SSBP3: variants seen among roughly 807,000 people sequenced by gnomAD.
SSBP3 encodes the protein single-stranded DNA-binding protein 3.
Under a neutral mutation model 69.6 loss-of-function variants are expected in SSBP3, and 5 were observed. That is an observed-to-expected ratio of 0.07 (90% CI 0.04 to 0.15). SSBP3 has a LOEUF of 0.15. Ranked by LOEUF, SSBP3 falls within the 10% of genes least tolerant of loss-of-function variation. The pLI is 1.00. For synonymous variants in SSBP3, 196 were observed against 193.4 expected, an observed-to-expected ratio of 1.01 and a Z score of -0.11; for missense variants, 312 against 534.0, an observed-to-expected ratio of 0.58 and a Z score of 4.10.
At chr1:54,287,822 A>G (rs1458589291) in intron 4 of SSBP3, among the ~76,000 whole-genome samples, 3 of 152,224 alleles carry the variant, frequency 2.0e-5, no homozygotes, top group Non-Finnish European at 4.4e-5. Flanking sequence ...TCCTGGTTTC[A>G]TATGCAGACC....
At chr1:54,228,875 G>T in intron 14 of SSBP3, 49 bp from the exon 15 acceptor site, 1 of 1,577,190 alleles carries the variant, frequency 6.3e-7, no homozygotes, top group African/African-American at 1.3e-5. Context: ...CTGGCCCTCT[G>T]CACCCCTCAC....
intron 4 of SSBP3, among the ~76,000 whole-genome samples, chr1:54,295,940 C>G (rs1370032970): frequency 6.6e-6 from 1 of 152,236 alleles, no homozygotes; most frequent in Non-Finnish European, 1.5e-5. Flanking sequence ...ATTTTTCTAC[C>G]TGGTCTTATT....
upstream of SSBP3, among the ~76,000 whole-genome samples, chr1:54,408,119 C>T (rs779058779): frequency 7.2e-5 from 11 of 152,286 alleles, no homozygotes; most frequent in South Asian, 1.9e-3. Flanking sequence ...TCTGGACTCA[C>T]TCTGCTCCCT....
chr1:54,327,563 T>C (rs1338980652), intron 4 of SSBP3, among the ~76,000 whole-genome samples: 1 of 152,182 alleles, frequency 6.6e-6, no homozygotes, highest in Non-Finnish European at 1.5e-5. Context: ...TGGATTTCTT[T>C]CTTTCTTTCC....
chr1:54,312,031 A>G (rs112418155), intron 4 of SSBP3, among the ~76,000 whole-genome samples: 80 of 152,294 alleles, frequency 5.3e-4, no homozygotes, highest in African/African-American at 1.9e-3. Flanking sequence ...AGCACATAGC[A>G]CCAGCTCTGA....
chr1:54,372,880 G>A (rs1647157463), intron 4 of SSBP3, among the ~76,000 whole-genome samples: 1 of 152,236 alleles, frequency 6.6e-6, no homozygotes, highest in Admixed American at 6.5e-5. Context: ...CAAGGGCAAA[G>A]CCTCCCTGAC....
At chr1:54,373,937 A>G (rs1300332930) in intron 4 of SSBP3, among the ~76,000 whole-genome samples, 1 of 152,154 alleles carries the variant, frequency 6.6e-6, no homozygotes, top group Non-Finnish European at 1.5e-5. Context: ...CTGGACCACC[A>G]GAGCTGCGGT....
chr1:54,399,727 G>A (rs375688924), intron 4 of SSBP3, among the ~76,000 whole-genome samples: 6 of 152,276 alleles, frequency 3.9e-5, no homozygotes, highest in African/African-American at 1.4e-4. Flanking sequence ...TAACTAGACT[G>A]TAGCCACAAG....
chr1:54,302,457 ATG>A (rs1645820306), intron 4 of SSBP3, among the ~76,000 whole-genome samples: 1 of 151,998 alleles, frequency 6.6e-6, no homozygotes, highest in Non-Finnish European at 1.5e-5. Flanking sequence ...GATTACAGGC[ATG>A]CACCACCACA....
At chr1:54,247,177 C>T (rs1270527448) in intron 9 of SSBP3, among the ~76,000 whole-genome samples, 1 of 152,262 alleles carries the variant, frequency 6.6e-6, no homozygotes, top group Non-Finnish European at 1.5e-5. Context: ...GCTGCTCCCT[C>T]CTGCCACATC....
intron 5 of SSBP3, among the ~76,000 whole-genome samples, chr1:54,259,620 GCCTAGGTAGGGTTT>G (rs1644983184): frequency 6.6e-6 from 1 of 152,262 alleles, no homozygotes; most frequent in African/African-American, 2.4e-5. Context: ...GAGAGGAGCT[GCCTAGGTAGGGTTT>G]CCCCCTTGGC....
intron 5 of SSBP3, among the ~76,000 whole-genome samples, chr1:54,268,061 C>T (rs893372139): frequency 6.6e-6 from 1 of 152,210 alleles, no homozygotes; most frequent in Non-Finnish European, 1.5e-5. Flanking sequence ...GGCACAGAAG[C>T]TAGGAATCCT....
chr1:54,231,009 C>T (rs1348150557), intron 14 of SSBP3, among the ~76,000 whole-genome samples: 1 of 152,180 alleles, frequency 6.6e-6, no homozygotes, highest in African/African-American at 2.4e-5. Flanking sequence ...CATACGTTTT[C>T]ATTTCTCTTG....
intron 14 of SSBP3, among the ~76,000 whole-genome samples, chr1:54,229,088 A>T (rs1183111006): frequency 6.6e-6 from 1 of 152,228 alleles, no homozygotes; most frequent in East Asian, 1.9e-4. Flanking sequence ...CTCCACACAG[A>T]GGCACCTCTG....
chr1:54,332,610 A>G (rs1173555412), intron 4 of SSBP3, among the ~76,000 whole-genome samples: 1 of 152,090 alleles, frequency 6.6e-6, no homozygotes, highest in Non-Finnish European at 1.5e-5. Context: ...AAGTCACTTC[A>G]CCTTCCTGTG....
intron 5 of SSBP3, among the ~76,000 whole-genome samples, chr1:54,260,970 G>A (rs1359816785): frequency 1.3e-5 from 2 of 152,212 alleles, no homozygotes; most frequent in Non-Finnish European, 2.9e-5. Context: ...GCAGTGAAGC[G>A]CTGACAGGCT....
At chr1:54,244,478 C>T (rs1257904199) in intron 9 of SSBP3, among the ~76,000 whole-genome samples, 2 of 152,164 alleles carry the variant, frequency 1.3e-5, no homozygotes, top group African/African-American at 2.4e-5. Flanking sequence ...AACTCCTGGG[C>T]TCAAGTGATC....
chr1:54,226,710 G>A, exon 18 of SSBP3: 1 of 177,590 alleles, frequency 5.6e-6, no homozygotes, highest in Non-Finnish European at 1.2e-5. Flanking sequence ...GTTGATTGGG[G>A]TGGGGGGCTT....
chr1:54,342,693 C>T (rs1237860774), intron 4 of SSBP3, among the ~76,000 whole-genome samples: 1 of 152,208 alleles, frequency 6.6e-6, no homozygotes, highest in Non-Finnish European at 1.5e-5. Flanking sequence ...AAACCTTGGA[C>T]AAGAAAGAAG....
Sources: gnomAD v4.1 joint callset for allele counts (sites outside exome capture counted in the v4.1 genomes callset) on GRCh38, gnomAD v4.1.1 for gene constraint, MANE v1.5 for transcripts, NCBI Gene and HGNC (gene_info 2026-07-23, HGNC 2026-07-21) for gene names.